The following RABGAP1L variants were observed in gnomAD, a reference collection of about 807,000 sequenced individuals.
RABGAP1L encodes rab GTPase-activating protein 1-like.
A neutral mutation model predicts 137.7 loss-of-function variants in RABGAP1L; 63 were observed. The ratio of observed to expected loss-of-function variants is 0.46; its 90% CI spans 0.37 to 0.56. The LOEUF is 0.56. RABGAP1L is among the 20% of genes least tolerant of loss of function. RABGAP1L has a pLI of 0.00. For synonymous variants in RABGAP1L, 431 were observed against 433.7 expected, an observed-to-expected ratio of 0.99 and a Z score of 0.08; for missense variants, 1,095 against 1,244.0, an observed-to-expected ratio of 0.88 and a Z score of 1.80.
chr1:174,897,205 A>T lies in RABGAP1L; in HGVS notation c.2341-60252A>T, dbSNP rs1657348047. On this transcript the variant is annotated intron_variant, in intron 19 of 25. Coordinates refer to ENST00000681986, the MANE Select transcript of RABGAP1L (RefSeq NM_001366446.1). ...TTTTATTCTCTTTGAAGCAATTGTG[A>T]ATGGGAGTTCACTCATGATTTGGCT... 1.3e-5 allele frequency: 2 copies of T among 152,164 alleles called. 1 individual carries two copies. Among genetic ancestry groups the T allele is most frequent in the Admixed American group, 1.3e-4 (2 of 15,274 alleles). 9.4% of individuals were successfully genotyped at this position (152,164 alleles called of 1,614,324 possible).
At position 174,425,915 on chromosome 1, in the gene RABGAP1L, C is replaced by T. The variant is rs145394718; in HGVS notation, c.1710+31770C>T. On this transcript the variant is annotated intron_variant, in intron 13 of 25. Transcript: ENST00000681986. Reference sequence around the variant, plus strand: ...ACAAATGTTAGTTGTAACTGCCATACGTCTAGTTTATTAGCAAGTTCAAAG... The same window carrying T: ...ACAAATGTTAGTTGTAACTGCCATATGTCTAGTTTATTAGCAAGTTCAAAG... Among the ~76,000 whole-genome samples, 693 of 152,060 alleles carry T rather than the reference C, an allele frequency of 4.6e-3. 1 individual carries two copies. The highest frequency in any genetic ancestry group is 6.1e-3 in the African/African-American group (255 of 41,516).
intron 13 of RABGAP1L, among the ~76,000 whole-genome samples, chr1:174,518,871 A>G (rs1452064635): frequency 6.6e-6 from 1 of 152,306 alleles, no homozygotes; most frequent in East Asian, 1.9e-4. Context: ...TAACAGCAAG[A>G]CCAGAAAAAG....
At chr1:174,619,640 C>T (rs989260569) in intron 13 of RABGAP1L, among the ~76,000 whole-genome samples, 12 of 152,098 alleles carry the variant, frequency 7.9e-5, no homozygotes, top group African/African-American at 2.2e-4. Context: ...CTGAAGGAAG[C>T]GCTAAACATG....
chr1:174,407,621 A>G (rs1200113358), intron 13 of RABGAP1L, among the ~76,000 whole-genome samples: 1 of 152,072 alleles, frequency 6.6e-6, no homozygotes, highest in Non-Finnish European at 1.5e-5. Context: ...TTTAATTATT[A>G]TTATTATCAT....
intron 1 of RABGAP1L, among the ~76,000 whole-genome samples, chr1:174,168,711 A>G (rs371398996): frequency 3.3e-4 from 50 of 152,272 alleles, no homozygotes; most frequent in African/African-American, 1.1e-3. Flanking sequence ...GGCAAAGTTA[A>G]TGGGGAAATG....
intron 13 of RABGAP1L, among the ~76,000 whole-genome samples, chr1:174,567,300 A>T (rs752365309): frequency 6.6e-6 from 1 of 152,130 alleles, no homozygotes; most frequent in African/African-American, 2.4e-5. Flanking sequence ...GCCTTATTTC[A>T]CTAAGCATAA....
chr1:174,279,568 C>A (rs984021425), intron 10 of RABGAP1L, among the ~76,000 whole-genome samples: 26 of 152,186 alleles, frequency 1.7e-4, no homozygotes, highest in African/African-American at 5.3e-4. Context: ...AAGCCTCTTA[C>A]CCATTTTCAT....
chr1:174,567,874 T>C (rs1321645527), intron 13 of RABGAP1L, among the ~76,000 whole-genome samples: 1 of 152,202 alleles, frequency 6.6e-6, no homozygotes, highest in Non-Finnish European at 1.5e-5. Flanking sequence ...CCAACAGACC[T>C]GTGCTCCAGT....
At chr1:174,796,891 C>G (rs2148812824) in intron 18 of RABGAP1L, among the ~76,000 whole-genome samples, 1 of 151,992 alleles carries the variant, frequency 6.6e-6, no homozygotes, top group Non-Finnish European at 1.5e-5. Flanking sequence ...CTTGTAATTC[C>G]AGCTACTCGT....
chr1:174,186,226 G>T (rs554449819), intron 1 of RABGAP1L, among the ~76,000 whole-genome samples: 2 of 151,796 alleles, frequency 1.3e-5, no homozygotes, highest in South Asian at 2.1e-4. Flanking sequence ...CTTTTTGGGC[G>T]CTGATGCTCA....
Position 174,618,279 on chromosome 1 carries a change from G to A in RABGAP1L, c.1711-19096G>A, listed in dbSNP as rs927811683. 7.2e-5 allele frequency among the ~76,000 whole-genome samples: 11 copies of A among 152,324 alleles called. No homozygotes were observed. The South Asian group carries it at 1.9e-3, about 26-fold the overall frequency. On this transcript the variant is annotated intron_variant, in intron 13 of 25. Transcript: ENST00000681986. The stretch of plus-strand genomic sequence containing the variant: ...CAGACTTAAATGTCCCTGTCTGACC[G>A]CTTTGAAGAGAGTAATGGTTCTCCC...
chr1:174,349,041 G>A (rs1158485476), intron 11 of RABGAP1L, among the ~76,000 whole-genome samples: 4 of 126,464 alleles, frequency 3.2e-5, no homozygotes, highest in Admixed American at 1.6e-4. Context: ...GCGGCTGGCC[G>A]GGCGGGGGGG....
chr1:174,540,636 C>A (rs1191253081), intron 13 of RABGAP1L, among the ~76,000 whole-genome samples: 2 of 152,246 alleles, frequency 1.3e-5, no homozygotes, highest in East Asian at 3.9e-4. Context: ...GGGCTCTGTT[C>A]TGTTCCATTG....
intron 13 of RABGAP1L, among the ~76,000 whole-genome samples, chr1:174,399,609 A>T (rs147267033): frequency 6.6e-6 from 1 of 152,160 alleles, no homozygotes; most frequent in Non-Finnish European, 1.5e-5. Flanking sequence ...TCACACTGCT[A>T]TAAGGACCTA....
intron 18 of RABGAP1L, among the ~76,000 whole-genome samples, chr1:174,774,173 C>T (rs562608174): frequency 4.6e-5 from 7 of 152,276 alleles, no homozygotes; most frequent in South Asian, 2.1e-4. Context: ...ATAACTAAAA[C>T]GCCCATAGCC....
intron 13 of RABGAP1L, among the ~76,000 whole-genome samples, chr1:174,532,365 C>A (rs1379447472): frequency 6.6e-6 from 1 of 151,870 alleles, no homozygotes; most frequent in Non-Finnish European, 1.5e-5. Context: ...CGCACCACCA[C>A]ACCTGGCTAA....
At chr1:174,227,104 A>G (rs35013443) in intron 3 of RABGAP1L, among the ~76,000 whole-genome samples, 3 of 152,146 alleles carry the variant, frequency 2.0e-5, no homozygotes, top group African/African-American at 7.2e-5. Flanking sequence ...TCTCACTTGT[A>G]TAAATACTTG....
chr1:174,741,855 C>CAA (rs775821774), intron 17 of RABGAP1L, among the ~76,000 whole-genome samples: 2,897 of 41,798 alleles, frequency 0.069, 436 homozygotes, highest in African/African-American at 0.26. Context: ...CCTATTTCTA[C>CAA]AAAAAAAAAA....
chr1:174,516,841 C>T (rs1050700109), intron 13 of RABGAP1L, among the ~76,000 whole-genome samples: 2 of 151,592 alleles, frequency 1.3e-5, no homozygotes, highest in Non-Finnish European at 2.9e-5. Context: ...GCAGGAGAAT[C>T]GCTTGAACCC....
Sources: gnomAD v4.1 joint callset for allele counts (sites outside exome capture counted in the v4.1 genomes callset) on GRCh38, gnomAD v4.1.1 for gene constraint, MANE v1.5 for transcripts, NCBI Gene and HGNC (gene_info 2026-07-23, HGNC 2026-07-21) for gene names.